The following RIMBP2 variants were observed in gnomAD, a reference collection of about 807,000 sequenced individuals.
RIMBP2 encodes RIMS binding protein 2.
RIMBP2 carries 48 observed loss-of-function variants against 118.6 expected under a neutral mutation model. The observed-to-expected ratio is 0.40, with a 90% CI of 0.32 to 0.51. RIMBP2 has a LOEUF of 0.51. Ranked by LOEUF, RIMBP2 falls within the 20% of genes least tolerant of loss-of-function variation. The pLI, the probability that RIMBP2 is intolerant of heterozygous loss-of-function variation, is 0.41. For synonymous variants in RIMBP2, 762 were observed against 742.9 expected, an observed-to-expected ratio of 1.03 and a Z score of -0.42; for missense variants, 1,551 against 1,768.3, an observed-to-expected ratio of 0.88 and a Z score of 2.20.
chr12:130,664,389 G>GCACGCGCA (rs74184218), intron 1 of RIMBP2, among the ~76,000 whole-genome samples: 1 of 82,544 alleles, frequency 1.2e-5, no homozygotes, highest in Non-Finnish European at 2.9e-5. Context: ...GCACGCGCAT[G>GCACGCGCA]CACACACACG....
At chr12:130,473,430 G>T (rs2081175914) in intron 5 of RIMBP2, among the ~76,000 whole-genome samples, 1 of 152,230 alleles carries the variant, frequency 6.6e-6, no homozygotes, top group Non-Finnish European at 1.5e-5. Context: ...AGCAGCAGCA[G>T]CATCTGGGGG....
At position 130,558,342 on chromosome 12, in the gene RIMBP2, G is replaced by A. The variant is rs577353394; in HGVS notation, c.-216-40425C>T. Among the ~76,000 whole-genome samples the A allele has an allele frequency of 1.8e-4, 27 of 152,210 alleles. 1 individual carries two copies. The South Asian group carries it at 4.8e-3, about 27-fold the overall frequency. On this transcript the variant is annotated intron_variant, in intron 2 of 22. Transcript: ENST00000690449. ...AGTTATGATCATTTTGGACATATGGGATCATAATATTTTATGATCACCAAC... is the reference window on the plus strand; with the variant it reads ...AGTTATGATCATTTTGGACATATGGAATCATAATATTTTATGATCACCAAC...
intron 4 of RIMBP2, among the ~76,000 whole-genome samples, chr12:130,501,497 C>G (rs2049775608): frequency 6.6e-6 from 1 of 152,368 alleles, no homozygotes; most frequent in South Asian, 2.1e-4. Context: ...AGCACCTTCC[C>G]ATGAGACGCA....
In RIMBP2 at chr12:130,581,075, A is replaced by G. The variant is rs2058451317; in HGVS notation, c.-217+47247T>C. 6.6e-6 allele frequency among the ~76,000 whole-genome samples: 1 copy of G among 152,170 alleles called. No homozygotes were observed. The highest frequency in any genetic ancestry group is 6.5e-5 in the Admixed American group (1 of 15,282). The stretch of plus-strand genomic sequence containing the variant: ...GCAGGGGCCTCGTGGCCGCACCCTC[A>G]TCCTGCCCTTCACCTGCTCATATTC... On this transcript the variant is annotated intron_variant, in intron 2 of 22. Transcript: ENST00000690449. This position sits in a 1 kb window ranked among gnomAD's most constrained non-coding sequence, Gnocchi z 4.4.
intron 1 of RIMBP2, among the ~76,000 whole-genome samples, chr12:130,629,789 C>G (rs2061869871): frequency 6.6e-6 from 1 of 152,088 alleles, no homozygotes; most frequent in Admixed American, 6.5e-5. Flanking sequence ...GTTCAGCTCC[C>G]TCACAGCTAC....
At position 130,673,640 on chromosome 12, in the gene RIMBP2, T is replaced by C. The variant is rs138426628; in HGVS notation, c.-352+42582A>G. ...CCATTGCAGTAGAACTGGAACTGCATTCATGGAACCTCAGAGGGTTTGGGT... is the reference window on the plus strand; with the variant it reads ...CCATTGCAGTAGAACTGGAACTGCACTCATGGAACCTCAGAGGGTTTGGGT... On this transcript the variant is annotated intron_variant, in intron 1 of 22. Coordinates refer to ENST00000690449, the MANE Select transcript of RIMBP2 (RefSeq NM_001393629.1). Among the ~76,000 whole-genome samples the C allele has an allele frequency of 1.4e-4, 22 of 152,242 alleles. No homozygotes were observed. In the East Asian group the frequency reaches 2.7e-3, roughly 19 times the overall value.
chr12:130,714,699 C>T (rs1950203291), intron 1 of RIMBP2, among the ~76,000 whole-genome samples: 1 of 152,336 alleles, frequency 6.6e-6, no homozygotes, highest in Middle Eastern at 3.4e-3. Flanking sequence ...CCCCACCACC[C>T]CCCACTGCAG....
intron 1 of RIMBP2, among the ~76,000 whole-genome samples, chr12:130,672,638 C>A (rs914875623): frequency 4.6e-5 from 7 of 152,158 alleles, no homozygotes; most frequent in Non-Finnish European, 1.0e-4. Context: ...AGCAAAACCT[C>A]CACGGGGGGT....
intron 2 of RIMBP2, among the ~76,000 whole-genome samples, chr12:130,571,505 C>T (rs996043946): frequency 1.3e-5 from 2 of 151,496 alleles, no homozygotes; most frequent in African/African-American, 4.9e-5. Context: ...CTGCAACCTC[C>T]GCCTCCCAGG....
chr12:130,679,607 G>A (rs1394007677), intron 1 of RIMBP2, among the ~76,000 whole-genome samples: 1 of 152,160 alleles, frequency 6.6e-6, no homozygotes, highest in Admixed American at 6.5e-5. Flanking sequence ...CATTCGCCTG[G>A]TGAGAATCTA....
chr12:130,499,367 C>A (rs745769591), intron 4 of RIMBP2, among the ~76,000 whole-genome samples: 1 of 152,182 alleles, frequency 6.6e-6, no homozygotes, highest in Non-Finnish European at 1.5e-5. Context: ...TCTCCTCTTG[C>A]GTACTACGTC....
chr12:130,524,092 CG>C (rs1566193914), intron 2 of RIMBP2, among the ~76,000 whole-genome samples: 1 of 152,070 alleles, frequency 6.6e-6, no homozygotes. Context: ...CTCCAGATGC[CG>C]GGGTGGTGCT....
chr12:130,506,900 C>T, intron 3 of RIMBP2, 130 bp from the exon 4 acceptor site: 1 of 697,292 alleles, frequency 1.4e-6, no homozygotes, highest in Non-Finnish European at 1.8e-6. Flanking sequence ...CCTTCTCCAT[C>T]ATGGACTGGG....
intron 4 of RIMBP2, among the ~76,000 whole-genome samples, chr12:130,483,816 G>C (rs1434392532): frequency 7.1e-6 from 1 of 140,442 alleles, no homozygotes; most frequent in African/African-American, 2.7e-5. Context: ...CCTAGATACG[G>C]TGCCCGGAGC....
chr12:130,428,632 G>A lies in RIMBP2; in HGVS notation c.2254-295C>T, dbSNP rs551502677. 200 of 262,084 alleles carry A rather than the reference G, an allele frequency of 7.6e-4. 1 individual carries two copies. Among genetic ancestry groups the A allele is most frequent in the African/African-American group, 3.9e-3 (179 of 45,470 alleles). 16.2% of individuals were successfully genotyped at this position (262,084 alleles called of 1,614,324 possible). ...AAACCCACTGGGGCTTACAAGACAC[G>A]CGGGCAGAATGTCCATTTCTGGGCA... On this transcript the variant is annotated intron_variant, in intron 14 of 22. Transcript: ENST00000690449.
In RIMBP2 at chr12:130,555,751, A is replaced by G. The variant is rs115111590; in HGVS notation, c.-216-37834T>C. 5.4e-3 allele frequency among the ~76,000 whole-genome samples: 816 copies of G among 152,328 alleles called. 10 individuals carry two copies. Among genetic ancestry groups the G allele is most frequent in the African/African-American group, 0.019 (775 of 41,568 alleles). On this transcript the variant is annotated intron_variant, in intron 2 of 22. Transcript: ENST00000690449. ...GAAGGATTTCTCGATAAAGCAGCTAAAACACGAAACTGCTAGTGCAAAAGC... is the reference window on the plus strand; with the variant it reads ...GAAGGATTTCTCGATAAAGCAGCTAGAACACGAAACTGCTAGTGCAAAAGC...
intron 10 of RIMBP2, among the ~76,000 whole-genome samples, chr12:130,444,688 T>C (rs558982906): frequency 3.3e-5 from 5 of 152,268 alleles, no homozygotes; most frequent in Admixed American, 2.6e-4. Flanking sequence ...ACCCCCTAAG[T>C]TGACAACAGT....
chr12:130,445,143 C>A lies in RIMBP2; in HGVS notation c.691+17G>T. 6.4e-7 allele frequency: 1 copy of A among 1,551,038 alleles called. No homozygotes were observed. ...TGGCCCAGCCTACGTCCGCCACAGC[C>A]ATGTTCCAACAGAGACCTTCATAGA... On this transcript the variant is annotated intron_variant, in intron 10 of 22. Coordinates refer to ENST00000690449, the MANE Select transcript of RIMBP2 (RefSeq NM_001393629.1).
rs1475901159 is a variant in RIMBP2, at chr12:130,437,121, G to A, written c.1827C>T (p.His609=). The part of the protein sequence containing the change: ...PPELLVPPTP[H]PRPAPQSKPL... ...GCTTTGATTGGGGTGCAGGTCTCGGGTGGGGGGTAGGAGGCACCAGGAGCT... is the reference window on the plus strand; with the variant it reads ...GCTTTGATTGGGGTGCAGGTCTCGGATGGGGGGTAGGAGGCACCAGGAGCT... Residue 609 remains histidine, a synonymous_variant, in exon 13 of 23, where the codon CAC becomes CAT. Transcript: ENST00000690449. 6.3e-7 allele frequency: 1 copy of A among 1,577,532 alleles called. No individual in the cohort carries two copies. Among genetic ancestry groups the A allele is most frequent in the African/African-American group, 1.4e-5 (1 of 73,106 alleles).
Sources: gnomAD v4.1 joint callset for allele counts (sites outside exome capture counted in the v4.1 genomes callset) on GRCh38, gnomAD v4.1.1 for gene constraint, Gnocchi (gnomAD v3.1) non-coding constraint, MANE v1.5 for transcripts, NCBI Gene and HGNC (gene_info 2026-07-23, HGNC 2026-07-21) for gene names.